TP63: variants seen among roughly 807,000 people sequenced by gnomAD.
TP63 encodes the protein tumor protein p63.
Under a neutral mutation model 82.8 loss-of-function variants are expected in TP63, and 17 were observed. The observed-to-expected ratio is 0.21, with a 90% CI of 0.14 to 0.31. The LOEUF is 0.31. TP63 is among the 10% of genes least tolerant of loss of function. TP63 has a pLI of 1.00. For missense variants in TP63, 648 were observed against 895.3 expected (o/e 0.72, Z 3.52); for synonymous variants, 330 against 321.7 (o/e 1.03, Z -0.28).
chr3:189,623,729 G>C, the TP63 span, among the ~76,000 whole-genome samples: 5 of 152,084 alleles, frequency 3.3e-5, no homozygotes, highest in Admixed American at 1.3e-4. Flanking sequence ...AACCCCACTA[G>C]GAATTTAGGT....
chr3:189,699,628 A>G (rs1298741846), intron 1 of TP63, among the ~76,000 whole-genome samples: 1 of 152,198 alleles, frequency 6.6e-6, no homozygotes, highest in African/African-American at 2.4e-5. Context: ...CTTCATTAAC[A>G]TAGGTTAATA....
chr3:189,870,802 C>G (rs186298582), intron 9 of TP63, among the ~76,000 whole-genome samples: 2 of 152,064 alleles, frequency 1.3e-5, no homozygotes, highest in Non-Finnish European at 2.9e-5. Flanking sequence ...CCATCTAAAG[C>G]GATGACATGA....
chr3:189,738,373 A>T (rs1218926593), intron 2 of TP63, among the ~76,000 whole-genome samples: 1 of 152,190 alleles, frequency 6.6e-6, no homozygotes, highest in Non-Finnish European at 1.5e-5. Flanking sequence ...TCACAGATAC[A>T]TCCGTTATTT....
At chr3:189,889,775 G>C (rs973250536) in intron 12 of TP63, among the ~76,000 whole-genome samples, 4 of 152,146 alleles carry the variant, frequency 2.6e-5, no homozygotes, top group African/African-American at 7.2e-5. Context: ...TTTTTACATT[G>C]TCAATTGCGG....
intron 1 of TP63, among the ~76,000 whole-genome samples, chr3:189,663,521 CTTTTTTTT>C (rs397991949): frequency 2.2e-4 from 19 of 84,552 alleles, no homozygotes; most frequent in African/African-American, 9.0e-4. Context: ...TTCATTCATT[CTTTTTTTT>C]TTTTTTTTTT....
intron 4 of TP63, among the ~76,000 whole-genome samples, chr3:189,822,744 A>G (rs1452765973): frequency 1.3e-5 from 2 of 152,190 alleles, no homozygotes; most frequent in Non-Finnish European, 2.9e-5. Context: ...TCATGCTACA[A>G]AATGATAACG....
chr3:189,828,428 T>C (rs564338851), intron 4 of TP63, among the ~76,000 whole-genome samples: 1 of 152,290 alleles, frequency 6.6e-6, no homozygotes, highest in African/African-American at 2.4e-5. Context: ...GTTTTAGAGG[T>C]ACTTCTTATA....
At chr3:189,615,296 C>G in the TP63 span, among the ~76,000 whole-genome samples, 3 of 152,124 alleles carry the variant, frequency 2.0e-5, no homozygotes, top group African/African-American at 7.2e-5. Flanking sequence ...ATGTGCTGCT[C>G]CATCCACCTG....
At chr3:189,831,152 A>G (rs1200235759) in intron 4 of TP63, among the ~76,000 whole-genome samples, 1 of 152,216 alleles carries the variant, frequency 6.6e-6, no homozygotes, top group East Asian at 1.9e-4. Context: ...TCATGAGGTG[A>G]GAACAGACTT....
At chr3:189,788,161 A>T (rs1193057544) in intron 3 of TP63, among the ~76,000 whole-genome samples, 3 of 151,372 alleles carry the variant, frequency 2.0e-5, no homozygotes, top group East Asian at 3.9e-4. Context: ...TTCCCAATAT[A>T]TGTGTGAAGA....
the TP63 span, among the ~76,000 whole-genome samples, chr3:189,620,263 G>A: frequency 6.6e-6 from 1 of 151,170 alleles, no homozygotes; most frequent in South Asian, 2.1e-4. Context: ...GGTGGCTCAC[G>A]CCTGTAATCC....
chr3:189,835,689 C>T lies in TP63; in HGVS notation c.579+27163C>T, dbSNP rs577455607. On this transcript the variant is annotated intron_variant, in intron 4 of 13. Transcript: ENST00000264731. ...CTGTAATCCCAGCACTTTGGGAGAC[C>T]GAGGCAGGTGGTCAGGAGTTCGAGA... Among the ~76,000 whole-genome samples, 9 of 151,586 alleles carry T rather than the reference C, an allele frequency of 5.9e-5. No individual in the cohort carries two copies. In the South Asian group the frequency reaches 6.3e-4, roughly 11 times the overall value.
chr3:189,634,542 G>A (rs1421842033), intron 1 of TP63, among the ~76,000 whole-genome samples: 3 of 151,892 alleles, frequency 2.0e-5, no homozygotes, highest in Non-Finnish European at 2.9e-5. Flanking sequence ...TGATGTTAAT[G>A]CTAATTTACT....
At chr3:189,645,341 A>G in intron 1 of TP63, 1 of 524,106 alleles carries the variant, frequency 1.9e-6, no homozygotes, top group South Asian at 2.8e-5. Context: ...ATCTTTCTTG[A>G]AGTCTAGTAA....
At chr3:189,885,029 A>G (rs1261538630) in intron 10 of TP63, among the ~76,000 whole-genome samples, 3 of 152,236 alleles carry the variant, frequency 2.0e-5, no homozygotes, top group Admixed American at 6.5e-5. Context: ...CAGAGCCTCC[A>G]AAATTTGAAT....
intron 3 of TP63, among the ~76,000 whole-genome samples, chr3:189,799,073 T>G (rs1175838209): frequency 3.9e-5 from 6 of 152,150 alleles, no homozygotes; most frequent in Non-Finnish European, 7.4e-5. Flanking sequence ...CTAACAAGAT[T>G]GAGTAGTACA....
intron 4 of TP63, among the ~76,000 whole-genome samples, chr3:189,849,434 T>C (rs1715347111): frequency 6.6e-6 from 1 of 152,082 alleles, no homozygotes; most frequent in Admixed American, 6.5e-5. Context: ...CACAGTTGAA[T>C]TGGAGGACAC....
intron 1 of TP63, among the ~76,000 whole-genome samples, chr3:189,633,944 CTGTT>C (rs1332764102): frequency 1.3e-5 from 2 of 152,094 alleles, no homozygotes; most frequent in African/African-American, 4.8e-5. Context: ...AGTATTTTAA[CTGTT>C]TGTCATGTGT....
intron 12 of TP63, 110 bp from the exon 13 acceptor site, chr3:189,890,679 G>T: frequency 1.2e-6 from 1 of 844,988 alleles, no homozygotes. Flanking sequence ...CATCTCTGAT[G>T]TGGGGCATCC....
Sources: allele counts gnomAD v4.1 joint callset (sites outside exome capture counted in the v4.1 genomes callset), GRCh38; gene constraint gnomAD v4.1.1; transcripts MANE v1.5; gene names NCBI Gene and HGNC (gene_info 2026-07-23, HGNC 2026-07-21).